TOP1MT: variants seen among roughly 807,000 people sequenced by gnomAD.
The protein encoded by TOP1MT is DNA topoisomerase I, mitochondrial.
TOP1MT carries 80 observed loss-of-function variants against 73.9 expected under a neutral mutation model. The ratio of observed to expected loss-of-function variants is 1.08; its 90% CI spans 0.90 to 1.30. The LOEUF is 1.30. TOP1MT is among the 50% of genes most tolerant of loss of function. The probability of loss-of-function intolerance (pLI) is 0.00; values close to 1 mark genes in which losing one functional copy is unlikely to be tolerated. For missense variants in TOP1MT, 815 were observed against 808.0 expected, an observed-to-expected ratio of 1.01 and a Z score of -0.10; for synonymous variants, 338 against 326.4, an observed-to-expected ratio of 1.04 and a Z score of -0.38.
chr8:143,351,665 T>C (rs2130463097), intron 1 of TOP1MT, among the ~76,000 whole-genome samples: 1 of 151,990 alleles, frequency 6.6e-6, no homozygotes, highest in South Asian at 2.1e-4. Flanking sequence ...GAGCAATAAA[T>C]TTAACAAGAG....
upstream of TOP1MT, among the ~76,000 whole-genome samples, chr8:143,347,029 G>A (rs1395572540): frequency 6.6e-6 from 1 of 151,580 alleles, no homozygotes; most frequent in African/African-American, 2.4e-5. Flanking sequence ...TCTGTGGACA[G>A]GCTGGAGTGC....
At chr8:143,325,306 G>C in intron 5 of TOP1MT, 40 bp downstream of exon 5, 4 of 1,548,768 alleles carry the variant, frequency 2.6e-6, no homozygotes, top group Non-Finnish European at 3.5e-6. Context: ...CCCGGGTGGC[G>C]GGGGTCCAGT....
chr8:143,342,481 TATTA>T (rs1401632378), intron 2 of TOP1MT, among the ~76,000 whole-genome samples: 3 of 143,508 alleles, frequency 2.1e-5, no homozygotes, highest in South Asian at 4.3e-4. Context: ...TTATTATTAT[TATTA>T]GAGACAGAGT....
intron 4 of TOP1MT, 25 bp from the exon 5 acceptor site, chr8:143,325,558 A>C: frequency 6.3e-7 from 1 of 1,595,144 alleles, no homozygotes; most frequent in Non-Finnish European, 8.6e-7. Flanking sequence ...CAGTCAGTGG[A>C]CATTAGCAGT....
At chr8:143,325,860 AAGGCCACATGG>A (rs1816694253) in intron 4 of TOP1MT, among the ~76,000 whole-genome samples, 1 of 152,206 alleles carries the variant, frequency 6.6e-6, no homozygotes, top group Non-Finnish European at 1.5e-5. Flanking sequence ...AATCCCTGAG[AAGGCCACATGG>A]AGATCACAGC....
At chr8:143,348,811 A>G (rs1162859571), upstream of TOP1MT, among the ~76,000 whole-genome samples, 1 of 152,190 alleles carries the variant, frequency 6.6e-6, no homozygotes, top group African/African-American at 2.4e-5. This position sits in a 1 kb window ranked among gnomAD's most constrained non-coding sequence, Gnocchi z 4.6. Flanking sequence ...TCCCACAGCT[A>G]CAGGGACTGA....
upstream of TOP1MT, among the ~76,000 whole-genome samples, chr8:143,336,903 T>C (rs1023343236): frequency 1.6e-4 from 24 of 152,196 alleles, no homozygotes; most frequent in Non-Finnish European, 5.9e-5. Flanking sequence ...ACAAGATCAA[T>C]ATGCAAACAT....
intron 1 of TOP1MT, chr8:143,355,545 C>CT (rs375885933): frequency 6.4e-4 from 97 of 152,170 alleles, no homozygotes; most frequent in African/African-American, 2.1e-3. Flanking sequence ...TGCCTTTCAA[C>CT]TTTTTTTTGG....
intron 13 of TOP1MT, chr8:143,309,851 T>C: frequency 6.5e-7 from 1 of 1,536,002 alleles, no homozygotes; most frequent in South Asian, 1.2e-5. Context: ...CCCAGGCCAC[T>C]GTCAGCACCC....
At chr8:143,320,662 C>G (rs948620277) in intron 8 of TOP1MT, among the ~76,000 whole-genome samples, 4 of 152,172 alleles carry the variant, frequency 2.6e-5, no homozygotes, top group Non-Finnish European at 5.9e-5. Flanking sequence ...ACGACAGCGT[C>G]CTTGTGAGAA....
In TOP1MT at chr8:143,326,174, C is replaced by G. The variant is rs201802171; in HGVS notation, c.483+48G>C. On this transcript the variant is annotated intron_variant, in intron 4 of 13. Coordinates refer to ENST00000329245, the MANE Select transcript of TOP1MT (RefSeq NM_052963.3). Reference sequence around the variant, plus strand: ...CAGTCTTTGGGCCAGGCCGGCCTCTCGTTCCCAGGGGCCACTTCAGGTCAC... The same window carrying G: ...CAGTCTTTGGGCCAGGCCGGCCTCTGGTTCCCAGGGGCCACTTCAGGTCAC... 79 of 1,604,636 alleles carry G rather than the reference C, an allele frequency of 4.9e-5. 3 individuals are homozygous for G. The South Asian group carries it at 8.2e-4, about 17-fold the overall frequency.
rs1001601149 is a variant in TOP1MT, at chr8:143,334,368, G to C, written c.122+372C>G. Reference sequence around the variant, plus strand: ...CAACCCGGGAACCGACTCCAGGAAAGAGCGGGTCTCAGAAGACCATGCACA... The same window carrying C: ...CAACCCGGGAACCGACTCCAGGAAACAGCGGGTCTCAGAAGACCATGCACA... On this transcript the variant is annotated intron_variant, in intron 1 of 13. Transcript: ENST00000329245. 4 of 176,106 alleles carry C rather than the reference G, an allele frequency of 2.3e-5. No individual in the cohort carries two copies. The South Asian group carries it at 5.1e-4, about 22-fold the overall frequency. 10.9% of individuals were successfully genotyped at this position (176,106 alleles called of 1,614,324 possible). A position where few individuals can be genotyped will look rare whatever the true frequency, so the allele number is the denominator to read the frequency against.
At chr8:143,342,483 TTA>T (rs1175664054) in intron 2 of TOP1MT, among the ~76,000 whole-genome samples, 1 of 141,658 alleles carries the variant, frequency 7.1e-6, no homozygotes, top group Non-Finnish European at 1.5e-5. Context: ...ATTATTATTA[TTA>T]GAGACAGAGT....
chr8:143,329,319 G>C, intron 3 of TOP1MT, 31 bp downstream of exon 3: 2 of 1,577,954 alleles, frequency 1.3e-6, no homozygotes, highest in Non-Finnish European at 8.6e-7. Context: ...CCAGGTCCAG[G>C]ACAGCTGTGG....
chr8:143,345,533 G>C (rs1817206305), upstream of TOP1MT, among the ~76,000 whole-genome samples: 1 of 152,200 alleles, frequency 6.6e-6, no homozygotes, highest in Non-Finnish European at 1.5e-5. Context: ...CGTGGAACAG[G>C]GCCTCTCGGG....
rs1263371810 is a variant in TOP1MT at position 143,334,850 on chromosome 8, C to T, written c.12G>A (p.Val4=). ...GAGCCGCCCGGAGCCGCAGCAGCCG[C>T]ACCACGCGCATCTGCCAGCCTCCGG... MRV[V]RLLRLRAALT... is the part of the protein sequence containing the mutation. The change falls in exon 1 of 14, where the codon GTG becomes GTA. Residue 4 remains valine, a synonymous_variant. Coordinates refer to ENST00000329245, the MANE Select transcript of TOP1MT (RefSeq NM_052963.3). 1 of 1,505,258 alleles carries T rather than the reference C, an allele frequency of 6.6e-7. No individual in the cohort carries two copies. 93.2% of individuals were successfully genotyped at this position (1,505,258 alleles called of 1,614,324 possible).
chr8:143,355,868 C>T (rs555459067), intron 1 of TOP1MT: 4 of 152,414 alleles, frequency 2.6e-5, no homozygotes, highest in Admixed American at 6.5e-5. Flanking sequence ...GCTCTCAGGA[C>T]GAAAGCTGAT....
chr8:143,332,537 G>A (rs765717493), intron 1 of TOP1MT: 54 of 1,289,446 alleles, frequency 4.2e-5, no homozygotes, highest in South Asian at 3.0e-4. Flanking sequence ...AGTGCTGTTG[G>A]GGGCCTGGTG....
chr8:143,314,623 TGAAGAG>T (rs1816102742), intron 12 of TOP1MT, among the ~76,000 whole-genome samples: 1 of 150,138 alleles, frequency 6.7e-6, no homozygotes. Flanking sequence ...AAATAACAAT[TGAAGAG>T]GAAAACAAAA....
Sources: gnomAD v4.1 joint callset for allele counts (sites outside exome capture counted in the v4.1 genomes callset) on GRCh38, gnomAD v4.1.1 for gene constraint, Gnocchi (gnomAD v3.1) non-coding constraint, MANE v1.5 for transcripts, NCBI Gene and HGNC (gene_info 2026-07-23, HGNC 2026-07-21) for gene names.